CLOCK: variants seen among roughly 807,000 people sequenced by gnomAD.
CLOCK encodes the protein clock circadian regulator, also known as circadian locomoter output cycles protein kaput.
CLOCK carries 43 observed loss-of-function variants against 118.4 expected under a neutral mutation model. The ratio of observed to expected loss-of-function variants is 0.36; its 90% CI spans 0.28 to 0.47. The LOEUF (loss-of-function observed/expected upper bound fraction) is 0.47, where lower values mean the gene tolerates loss of function less well. Ranked by LOEUF, CLOCK falls within the 20% of genes least tolerant of loss-of-function variation. CLOCK has a pLI of 1.00. For missense variants in CLOCK, 846 were observed against 999.9 expected (o/e 0.85, Z 2.08); for synonymous variants, 326 against 339.2 (o/e 0.96, Z 0.43).
chr4:55,500,747 T>C (rs1239389864), intron 2 of CLOCK, among the ~76,000 whole-genome samples: 2 of 152,246 alleles, frequency 1.3e-5, no homozygotes, highest in Non-Finnish European at 2.9e-5. Context: ...CTAATGGCTT[T>C]AGTAGTCACG....
chr4:55,438,694 T>C (rs1325263869), intron 21 of CLOCK, among the ~76,000 whole-genome samples, 157 bp from the exon 22 acceptor site: 3 of 152,226 alleles, frequency 2.0e-5, no homozygotes, highest in East Asian at 3.9e-4. Flanking sequence ...TTTTAAAAGA[T>C]TCCCTTTGGT....
Position 55,433,245 on chromosome 4 carries a change from TGTGGG to T in CLOCK, c.*2165_*2169del. 6.5e-6 allele frequency: 1 copy of T among 152,758 alleles called. No homozygotes were observed. The highest frequency in any genetic ancestry group is 3.4e-3 in the Middle Eastern group (1 of 294). The allele number at this position is 152,758 out of a possible 1,614,324, so 9.5% of individuals were successfully genotyped here. On this transcript the variant is annotated 3_prime_UTR_variant, in exon 23 of 23. Transcript: ENST00000513440. ...CAACTATTCTTGATATTCATGGGAA[TGTGGG>T]AAATCTCTACTGGATGGTCATTTAG...
intron 3 of CLOCK, among the ~76,000 whole-genome samples, chr4:55,487,013 T>C (rs1001386673): frequency 6.6e-6 from 1 of 152,168 alleles, no homozygotes; most frequent in Non-Finnish European, 1.5e-5. Context: ...TTTCTTATTT[T>C]TTCTCTACCA....
chr4:55,513,283 G>T (rs1319555964), intron 1 of CLOCK, among the ~76,000 whole-genome samples: 1 of 152,094 alleles, frequency 6.6e-6, no homozygotes, highest in Non-Finnish European at 1.5e-5. Flanking sequence ...CAGTTAACAT[G>T]CTGTACAGTC....
intron 2 of CLOCK, among the ~76,000 whole-genome samples, chr4:55,491,772 G>T (rs1727714060): frequency 6.6e-6 from 1 of 152,012 alleles, no homozygotes; most frequent in African/African-American, 2.4e-5. Context: ...AGAGAAGACT[G>T]CATGCAACAG....
At chr4:55,506,653 C>G (rs927045490) in intron 2 of CLOCK, among the ~76,000 whole-genome samples, 1 of 151,754 alleles carries the variant, frequency 6.6e-6, no homozygotes, top group African/African-American at 2.4e-5. Flanking sequence ...CTCTGCCTTC[C>G]GGGTTCCAGC....
At chr4:55,460,928 C>CTTTTT (rs11441195) in intron 9 of CLOCK, among the ~76,000 whole-genome samples, 5 of 145,676 alleles carry the variant, frequency 3.4e-5, no homozygotes, top group Admixed American at 6.9e-5. Flanking sequence ...CTTTCCTCTC[C>CTTTTT]TTTTTTTTTT....
chr4:55,443,495 A>T (rs960220639), intron 20 of CLOCK, among the ~76,000 whole-genome samples, 192 bp downstream of exon 20: 1 of 152,132 alleles, frequency 6.6e-6, no homozygotes, highest in Non-Finnish European at 1.5e-5. Flanking sequence ...AAAAGAAAAA[A>T]AAAAGCTGAA....
intron 9 of CLOCK, among the ~76,000 whole-genome samples, chr4:55,462,690 AT>A (rs1322258334): frequency 6.6e-6 from 1 of 152,200 alleles, no homozygotes; most frequent in East Asian, 1.9e-4. Flanking sequence ...TACAGCCTAA[AT>A]CTTTCTAAGT....
intron 1 of CLOCK, among the ~76,000 whole-genome samples, chr4:55,533,437 T>C (rs1730681988): frequency 6.6e-6 from 1 of 152,198 alleles, no homozygotes; most frequent in African/African-American, 2.4e-5. Flanking sequence ...GAAGCCAAAA[T>C]ATGATATTAC....
At chr4:55,521,394 A>G (rs1729837019) in intron 1 of CLOCK, among the ~76,000 whole-genome samples, 1 of 152,126 alleles carries the variant, frequency 6.6e-6, no homozygotes, top group Non-Finnish European at 1.5e-5. Flanking sequence ...AATTTTTTGT[A>G]TTTAGCAGAG....
intron 2 of CLOCK, among the ~76,000 whole-genome samples, chr4:55,491,373 AG>A (rs1373845121): frequency 1.6e-5 from 2 of 123,826 alleles, no homozygotes; most frequent in Non-Finnish European, 3.5e-5. Flanking sequence ...AACAGTGAAT[AG>A]GAAAAAAAAA....
intron 2 of CLOCK, chr4:55,501,469 G>C (rs913530130): frequency 2.8e-5 from 4 of 142,110 alleles, no homozygotes; most frequent in African/African-American, 4.9e-5. Flanking sequence ...TCAGGCTAGA[G>C]TGTGGTGGCC....
Position 55,458,959 on chromosome 4 carries a change from C to A in CLOCK, c.725G>T (p.Arg242Met), listed in dbSNP as rs774290794. 1 of 1,613,792 alleles carries A rather than the reference C, an allele frequency of 6.2e-7. No homozygotes were observed. Among genetic ancestry groups the A allele is most frequent in the Non-Finnish European group, 8.5e-7 (1 of 1,179,940 alleles). Reference protein sequence around the residue: ...GFEGTIQRTHRPSYEDRVCFV... With the variant: ...GFEGTIQRTHMPSYEDRVCFV... ...ACAAACTCTATCTTCATAAGATGGCCTATGTGTGCGTTGTATAGTTCCTTC... is the reference window on the plus strand; with the variant it reads ...ACAAACTCTATCTTCATAAGATGGCATATGTGTGCGTTGTATAGTTCCTTC... Residue 242 changes from arginine to methionine, a missense_variant, in exon 11 of 23, where the codon AGG becomes ATG. Around this residue, in one of 4 missense-constraint regions of CLOCK, gnomAD observed 246 missense variants for 300.2 expected, o/e 0.82. Coordinates refer to ENST00000513440, the MANE Select transcript of CLOCK (RefSeq NM_004898.4).
At chr4:55,527,714 A>G (rs1248061703) in intron 1 of CLOCK, among the ~76,000 whole-genome samples, 1 of 152,160 alleles carries the variant, frequency 6.6e-6, no homozygotes, top group African/African-American at 2.4e-5. Context: ...AGTATCGTTA[A>G]TTTTGTTAGG....
chr4:55,429,664 G>A lies in CLOCK; in HGVS notation c.*5751C>T, dbSNP rs1031657495. 3.3e-5 allele frequency: 5 copies of A among 152,158 alleles called. No homozygotes were observed. Among genetic ancestry groups the A allele is most frequent in the African/African-American group, 1.2e-4 (5 of 41,428 alleles). The allele number at this position is 152,158 out of a possible 1,614,324, so 9.4% of individuals were successfully genotyped here. ...CTTTTACTAACATTTCCCCAAATGG[G>A]CAAAATAGAGGCATCATGTGCCATT... On this transcript the variant is annotated 3_prime_UTR_variant, in exon 23 of 23. Transcript: ENST00000513440.
chr4:55,543,713 G>C (rs909473324), intron 1 of CLOCK, among the ~76,000 whole-genome samples: 1 of 152,060 alleles, frequency 6.6e-6, no homozygotes, highest in Non-Finnish European at 1.5e-5. Context: ...GGGAGCCGGA[G>C]GTTGCAGTGA....
intron 8 of CLOCK, among the ~76,000 whole-genome samples, chr4:55,464,507 C>A (rs778459054): frequency 6.6e-6 from 1 of 152,162 alleles, no homozygotes; most frequent in Non-Finnish European, 1.5e-5. Context: ...TTTGCCACTA[C>A]GCATTCTACC....
chr4:55,451,788 T>C (rs899590562), intron 15 of CLOCK, among the ~76,000 whole-genome samples: 19 of 152,218 alleles, frequency 1.2e-4, no homozygotes, highest in African/African-American at 4.1e-4. Flanking sequence ...AAACATACTA[T>C]GTCCTCTTCT....
Sources: allele counts gnomAD v4.1 joint callset (sites outside exome capture counted in the v4.1 genomes callset), GRCh38; gene constraint gnomAD v4.1.1; regional missense constraint gnomAD v4.1.1; transcripts MANE v1.5; gene names NCBI Gene and HGNC (gene_info 2026-07-23, HGNC 2026-07-21).